Variants in FSTL4 observed in about 807,000 individuals in gnomAD.
FSTL4 encodes the protein follistatin like 4.
Under a neutral mutation model 78.2 loss-of-function variants are expected in FSTL4, and 28 were observed. The ratio of observed to expected loss-of-function variants is 0.36; its 90% CI spans 0.27 to 0.49. FSTL4 has a LOEUF of 0.49. Ranked by LOEUF, FSTL4 falls within the 20% of genes least tolerant of loss-of-function variation. The probability of loss-of-function intolerance (pLI) is 0.98; values close to 1 mark genes in which losing one functional copy is unlikely to be tolerated. For synonymous variants in FSTL4, 422 were observed against 440.5 expected (o/e 0.96, Z 0.53); for missense variants, 922 against 1,084.9 (o/e 0.85, Z 2.11).
chr5:133,552,602 T>G (rs1015580170), intron 3 of FSTL4, among the ~76,000 whole-genome samples: 10 of 152,238 alleles, frequency 6.6e-5, no homozygotes, highest in Middle Eastern at 3.2e-3. Context: ...AAAAAACCTC[T>G]GCAGGCCAAG....
intron 3 of FSTL4, among the ~76,000 whole-genome samples, chr5:133,434,821 T>TTA (rs1611101): frequency 0.23 from 34,907 of 151,932 alleles, 4,099 homozygotes; most frequent in Admixed American, 0.29. Flanking sequence ...CAAAAATATA[T>TTA]TGTTAACTGT....
the FSTL4 span, among the ~76,000 whole-genome samples, chr5:133,727,606 G>A: frequency 2.0e-5 from 3 of 152,200 alleles, no homozygotes; most frequent in African/African-American, 7.2e-5. Flanking sequence ...AGCCTCTTCA[G>A]GGTCAAAGGA....
At chr5:133,337,212 A>G (rs1754482834) in intron 4 of FSTL4, among the ~76,000 whole-genome samples, 1 of 152,230 alleles carries the variant, frequency 6.6e-6, no homozygotes, top group Admixed American at 6.5e-5. Flanking sequence ...GTGCACCAGG[A>G]TGATGAGGCA....
the FSTL4 span, among the ~76,000 whole-genome samples, chr5:133,787,216 A>G: frequency 6.6e-6 from 1 of 151,570 alleles, no homozygotes; most frequent in East Asian, 1.9e-4. Context: ...ATACTAAAAT[A>G]CGGTTCACTA....
At chr5:133,233,851 C>T (rs1450902587) in intron 7 of FSTL4, among the ~76,000 whole-genome samples, 2 of 152,134 alleles carry the variant, frequency 1.3e-5, no homozygotes, top group African/African-American at 2.4e-5. Context: ...CCCACGTGTC[C>T]CCCCATTTAC....
At chr5:133,256,552 T>G (rs1417148120) in intron 6 of FSTL4, 1 of 152,272 alleles carries the variant, frequency 6.6e-6, no homozygotes, top group Admixed American at 6.5e-5. Context: ...AGGGATGGTG[T>G]GCTTTTTGTC....
chr5:133,528,918 G>A (rs866190144), intron 3 of FSTL4, among the ~76,000 whole-genome samples: 2 of 152,214 alleles, frequency 1.3e-5, no homozygotes, highest in Admixed American at 6.5e-5. Context: ...ATGTGGCCAT[G>A]TGATTAAGTC....
chr5:133,671,758 G>A, the FSTL4 span, among the ~76,000 whole-genome samples: 1 of 152,224 alleles, frequency 6.6e-6, no homozygotes, highest in African/African-American at 2.4e-5. Context: ...ACAAAGGAAG[G>A]AGGAAGTAAC....
the FSTL4 span, among the ~76,000 whole-genome samples, chr5:133,841,174 G>A: frequency 6.6e-6 from 1 of 152,186 alleles, no homozygotes; most frequent in South Asian, 2.1e-4. Flanking sequence ...ACTGGGATGG[G>A]GGCATCTTCA....
chr5:133,804,489 G>C, the FSTL4 span, among the ~76,000 whole-genome samples: 1 of 152,136 alleles, frequency 6.6e-6, no homozygotes, highest in African/African-American at 2.4e-5. Flanking sequence ...CACACACACA[G>C]GGAGTAAAAC....
intron 3 of FSTL4, among the ~76,000 whole-genome samples, chr5:133,559,965 T>A (rs988910722): frequency 6.6e-6 from 1 of 152,194 alleles, no homozygotes; most frequent in Non-Finnish European, 1.5e-5. Context: ...CTGACCTTTG[T>A]GAGAAACGGA....
Position 133,603,932 on chromosome 5 carries a change from G to A in FSTL4, c.52C>T (p.Pro18Ser). 6.2e-7 allele frequency: 1 copy of A among 1,613,512 alleles called. No homozygotes were observed. Among genetic ancestry groups the A allele is most frequent in the East Asian group, 2.2e-5 (1 of 44,880 alleles). The change falls in exon 2 of 16, where the codon CCG (proline) becomes TCG (serine). Residue 18 changes from proline to serine, a missense_variant. Transcript: ENST00000265342. ...GGGTCCATCCATCCCAGCGCAGCCG[G>A]CAGGGAGGCTCCGAGCAGTGTGAGA... is the stretch of plus-strand genomic sequence containing the variant. Reference protein sequence around the residue: ...LHLTLLGASLPAALGWMDPGT... With the variant: ...LHLTLLGASLSAALGWMDPGT...
intron 6 of FSTL4, among the ~76,000 whole-genome samples, chr5:133,288,252 G>A (rs981328918): frequency 2.0e-4 from 31 of 152,220 alleles, no homozygotes; most frequent in African/African-American, 6.8e-4. Context: ...GGGGCTTTGC[G>A]GACTCTGCAG....
intron 2 of FSTL4, among the ~76,000 whole-genome samples, chr5:133,591,276 C>T (rs1760621392): frequency 6.6e-6 from 1 of 152,158 alleles, no homozygotes; most frequent in Non-Finnish European, 1.5e-5. Context: ...GCTGACAAGA[C>T]AGGGAGAGGA....
chr5:133,514,014 T>C (rs2112890654), intron 3 of FSTL4, among the ~76,000 whole-genome samples: 1 of 151,848 alleles, frequency 6.6e-6, no homozygotes, highest in Non-Finnish European at 1.5e-5. Context: ...CCGTCTCTAC[T>C]AAAAATACAA....
At chr5:133,314,834 G>A (rs989718014) in intron 5 of FSTL4, among the ~76,000 whole-genome samples, 1 of 152,110 alleles carries the variant, frequency 6.6e-6, no homozygotes, top group South Asian at 2.1e-4. Flanking sequence ...TAAAAATGAT[G>A]ATGATGGCAA....
the FSTL4 span, among the ~76,000 whole-genome samples, chr5:133,736,534 G>T: frequency 6.6e-6 from 1 of 152,192 alleles, no homozygotes; most frequent in Admixed American, 6.5e-5. Flanking sequence ...GTCCTTTAGT[G>T]GTCAGTCATT....
chr5:133,611,222 C>A lies in FSTL4; in HGVS notation c.-11+1103G>T, dbSNP rs1419538283. Among the ~76,000 whole-genome samples the A allele has an allele frequency of 5.9e-5, 9 of 152,104 alleles. No homozygotes were observed. Among genetic ancestry groups the A allele is most frequent in the Non-Finnish European group, 1.3e-4 (9 of 68,000 alleles). On this transcript the variant is annotated intron_variant, in intron 1 of 15. Transcript: ENST00000265342. This position sits in a 1 kb window ranked among gnomAD's most constrained non-coding sequence, Gnocchi z 4.9. Reference sequence around the variant, plus strand: ...AGCCGCGACACCGACCTCGCCGGGCCCGCCCCGCTGACCCGCGCACTCCTA... The same window carrying A: ...AGCCGCGACACCGACCTCGCCGGGCACGCCCCGCTGACCCGCGCACTCCTA...
At chr5:133,256,487 T>G (rs1224608077) in intron 6 of FSTL4, 1 of 152,242 alleles carries the variant, frequency 6.6e-6, no homozygotes, top group Non-Finnish European at 1.5e-5. Flanking sequence ...TTGGCTGGTG[T>G]TTACAGAGTG....
Sources: allele counts gnomAD v4.1 joint callset (sites outside exome capture counted in the v4.1 genomes callset), GRCh38; gene constraint gnomAD v4.1.1; non-coding constraint Gnocchi (gnomAD v3.1); transcripts MANE v1.5; gene names NCBI Gene and HGNC (gene_info 2026-07-23, HGNC 2026-07-21).